The following SMC2 variants were observed in gnomAD, a reference collection of about 807,000 sequenced individuals.
The protein encoded by SMC2 is structural maintenance of chromosomes protein 2.
SMC2 carries 41 observed loss-of-function variants against 142.6 expected under a neutral mutation model. That is an observed-to-expected ratio of 0.29 (90% CI 0.22 to 0.37). SMC2 has a LOEUF of 0.37. SMC2 is among the 10% of genes least tolerant of loss of function. The pLI, the probability that SMC2 is intolerant of heterozygous loss-of-function variation, is 1.00. For missense variants in SMC2, 1,265 were observed against 1,373.7 expected, an observed-to-expected ratio of 0.92 and a Z score of 1.25; for synonymous variants, 463 against 457.5, an observed-to-expected ratio of 1.01 and a Z score of -0.15.
intron 3 of SMC2, among the ~76,000 whole-genome samples, chr9:104,097,119 G>GTTTTTT (rs71501412): frequency 6.7e-5 from 7 of 104,114 alleles, no homozygotes; most frequent in Non-Finnish European, 9.9e-5. Flanking sequence ...GCTTGTCAAG[G>GTTTTTT]TTTTTTTTTT....
Position 104,141,317 on chromosome 9 carries a change from G to A in SMC2, c.*2002G>A, listed in dbSNP as rs1836026420. ...GTGATAATACAGTTAGGAGTGTCAG[G>A]GCCCATGGACAAATCTTGTCAGTCT... On this transcript the variant is annotated 3_prime_UTR_variant, in exon 25 of 25. Coordinates refer to ENST00000374793, the MANE Select transcript of SMC2 (RefSeq NM_006444.3). The A allele has an allele frequency of 6.6e-6, 1 of 152,034 alleles. No individual in the cohort carries two copies. Among genetic ancestry groups the A allele is most frequent in the Non-Finnish European group, 1.5e-5 (1 of 68,008 alleles). 9.4% of individuals were successfully genotyped at this position (152,034 alleles called of 1,614,324 possible).
chr9:104,094,736 C>A, intron 1 of SMC2: 1 of 287,568 alleles, frequency 3.5e-6, no homozygotes, highest in Non-Finnish European at 6.5e-6. Flanking sequence ...TACATCTCAT[C>A]TCTAGTAAAT....
intron 9 of SMC2, among the ~76,000 whole-genome samples, chr9:104,105,680 C>A (rs1354299289): frequency 6.6e-6 from 1 of 152,062 alleles, no homozygotes; most frequent in Non-Finnish European, 1.5e-5. Context: ...ATTTTTAGCA[C>A]CCTTTTATGT....
intron 3 of SMC2, among the ~76,000 whole-genome samples, chr9:104,097,690 T>A (rs1830613771): frequency 6.6e-6 from 1 of 152,118 alleles, no homozygotes; most frequent in Admixed American, 6.5e-5. Context: ...ATTATAAAAT[T>A]TTTGTCAGAG....
intron 15 of SMC2, among the ~76,000 whole-genome samples, chr9:104,118,867 A>T (rs1833414760): frequency 1.3e-5 from 2 of 152,218 alleles, no homozygotes; most frequent in South Asian, 4.1e-4. Flanking sequence ...CATGTCTATC[A>T]TTCTATAAAG....
Position 104,099,699 on chromosome 9 carries a change from T to C in SMC2, c.480+17T>C, listed in dbSNP as rs1830894209. The C allele has an allele frequency of 2.0e-6, 3 of 1,469,788 alleles. No homozygotes were observed. Among genetic ancestry groups the C allele is most frequent in the South Asian group, 2.3e-5 (2 of 86,760 alleles). 91.0% of individuals were successfully genotyped at this position (1,469,788 alleles called of 1,614,324 possible). ...CCTCCAGAGGTAAGAGTACTATTTATGGACATTAAAAATAGTTGGTATAGA... is the reference window on the plus strand; with the variant it reads ...CCTCCAGAGGTAAGAGTACTATTTACGGACATTAAAAATAGTTGGTATAGA... On this transcript the variant is annotated intron_variant, in intron 5 of 24. Transcript: ENST00000374793.
At chr9:104,099,136 C>T (rs1303073467) in intron 4 of SMC2, among the ~76,000 whole-genome samples, 1 of 151,984 alleles carries the variant, frequency 6.6e-6, no homozygotes, top group Non-Finnish European at 1.5e-5. Context: ...TTCTCTGAGA[C>T]CTGGGTGTGC....
intron 20 of SMC2, among the ~76,000 whole-genome samples, chr9:104,129,271 G>A (rs990891590): frequency 2.6e-5 from 4 of 152,094 alleles, no homozygotes; most frequent in Admixed American, 2.0e-4. Context: ...GGGAGGCCGA[G>A]GTTGGCAGAT....
upstream of SMC2, among the ~76,000 whole-genome samples, chr9:104,090,417 C>T (rs1337587397): frequency 6.6e-6 from 1 of 151,906 alleles, no homozygotes; most frequent in Non-Finnish European, 1.5e-5. Context: ...AAACCTGGAG[C>T]CTTAGGAATA....
At chr9:104,116,530 T>C (rs1833138448) in intron 14 of SMC2, among the ~76,000 whole-genome samples, 1 of 131,612 alleles carries the variant, frequency 7.6e-6, no homozygotes, top group African/African-American at 3.8e-5. Context: ...GGTATTAGAA[T>C]GTCCTTTTTA....
chr9:104,137,179 C>T (rs1398229629), intron 23 of SMC2, among the ~76,000 whole-genome samples: 1 of 151,954 alleles, frequency 6.6e-6, no homozygotes, highest in Admixed American at 6.6e-5. Context: ...CATTGAGTTG[C>T]CTATTCTAGT....
chr9:104,089,436 C>T (rs1380415899), upstream of SMC2, among the ~76,000 whole-genome samples: 2 of 151,894 alleles, frequency 1.3e-5, no homozygotes, highest in African/African-American at 4.8e-5. Flanking sequence ...CAATGGACCA[C>T]CATGCCAAGG....
At chr9:104,117,559 G>A (rs191457106) in intron 14 of SMC2, among the ~76,000 whole-genome samples, 3 of 152,266 alleles carry the variant, frequency 2.0e-5, no homozygotes, top group Admixed American at 2.0e-4. Flanking sequence ...GCAGACGACT[G>A]CTCTAGCATG....
At chr9:104,090,842 A>G (rs1829974036), upstream of SMC2, among the ~76,000 whole-genome samples, 1 of 36,502 alleles carries the variant, frequency 2.7e-5, no homozygotes, top group Non-Finnish European at 7.1e-5. Flanking sequence ...TAACAGAACT[A>G]ACAGAAAAGA....
At chr9:104,127,845 C>T (rs1834484651) in intron 20 of SMC2, among the ~76,000 whole-genome samples, 1 of 152,146 alleles carries the variant, frequency 6.6e-6, no homozygotes. Flanking sequence ...AATTAAAAAA[C>T]TCACAGAACT....
At chr9:104,100,565 G>T in intron 7 of SMC2, 132 bp downstream of exon 7, 1 of 591,580 alleles carries the variant, frequency 1.7e-6, no homozygotes, top group Middle Eastern at 2.7e-4. Flanking sequence ...ATTAGAGTTG[G>T]CACTCCATAA....
rs114913341 is a variant in SMC2, at chr9:104,098,708, G to C, written c.441+140G>C. Reference sequence around the variant, plus strand: ...TGTGCTGTGTCCGGCCATCTGTTTAGAAATATGGTTTAGTTACTTGCACTG... The same window carrying C: ...TGTGCTGTGTCCGGCCATCTGTTTACAAATATGGTTTAGTTACTTGCACTG... On this transcript the variant is annotated intron_variant, in intron 4 of 24. Coordinates refer to ENST00000374793, the MANE Select transcript of SMC2 (RefSeq NM_006444.3). The C allele has an allele frequency of 3.7e-4, 300 of 800,624 alleles. 2 individuals carry two copies. In the African/African-American group the frequency reaches 4.9e-3, roughly 13 times the overall value. The allele number at this position is 800,624 out of a possible 1,614,324, so 49.6% of individuals were successfully genotyped here.
chr9:104,119,267 G>T (rs1833467641), intron 15 of SMC2, among the ~76,000 whole-genome samples: 1 of 152,178 alleles, frequency 6.6e-6, no homozygotes, highest in Non-Finnish European at 1.5e-5. Flanking sequence ...AGATTTTGTT[G>T]ATTCAGATGC....
chr9:104,126,809 G>C, intron 19 of SMC2, 25 bp downstream of exon 19: 1 of 1,577,144 alleles, frequency 6.3e-7, no homozygotes, highest in Non-Finnish European at 8.6e-7. Context: ...TCAAATTCGA[G>C]AAATTGAAAA....
Sources: gnomAD v4.1 joint callset for allele counts (sites outside exome capture counted in the v4.1 genomes callset) on GRCh38, gnomAD v4.1.1 for gene constraint, MANE v1.5 for transcripts, NCBI Gene and HGNC (gene_info 2026-07-23, HGNC 2026-07-21) for gene names.